TRIM16: variants seen among roughly 807,000 people sequenced by gnomAD.
TRIM16 encodes tripartite motif containing 16.
Under a neutral mutation model 50.4 loss-of-function variants are expected in TRIM16, and 33 were observed. The observed-to-expected ratio is 0.65, with a 90% confidence interval of 0.50 to 0.88. The LOEUF (loss-of-function observed/expected upper bound fraction) is 0.88, where lower values mean the gene tolerates loss of function less well. Among genes scored for constraint, TRIM16 ranks in the 40% least tolerant of loss-of-function variants. The pLI is 0.00. For missense variants in TRIM16, 581 were observed against 686.8 expected, an observed-to-expected ratio of 0.85 and a Z score of 1.72; for synonymous variants, 229 against 270.7, an observed-to-expected ratio of 0.85 and a Z score of 1.51.
At position 15,650,968 on chromosome 17, in the gene TRIM16, A is replaced by C. The variant is rs1987661309; in HGVS notation, c.519+123T>G. 4 of 1,353,082 alleles carry C rather than the reference A, an allele frequency of 3.0e-6. No homozygotes were observed. The African/African-American group carries it at 5.8e-5, about 20-fold the overall frequency. The allele number at this position is 1,353,082 out of a possible 1,614,324, so 83.8% of individuals were successfully genotyped here. ...GACCCAGCAGGCAGACGCTGAAGCT[A>C]GTCTTTTTCAGGTATGCTCAGAGCA... On this transcript the variant is annotated intron_variant, in intron 7 of 11. Coordinates refer to ENST00000649191, the MANE Select transcript of TRIM16 (RefSeq NM_001348119.1).
chr17:15,657,843 C>G (rs1025593859), intron 6 of TRIM16, among the ~76,000 whole-genome samples: 1 of 152,202 alleles, frequency 6.6e-6, no homozygotes, highest in Non-Finnish European at 1.5e-5. Context: ...TCAGGTTCAT[C>G]AGGTGTTGAT....
chr17:15,638,258 TAAA>T lies in TRIM16; in HGVS notation c.616-1992_616-1990del, dbSNP rs535590168. 7.0e-5 allele frequency among the ~76,000 whole-genome samples: 8 copies of T among 115,076 alleles called. 1 individual carries two copies. Among genetic ancestry groups the T allele is most frequent in the African/African-American group, 2.9e-4 (8 of 27,984 alleles). 75.5% of individuals were successfully genotyped at this position (115,076 alleles called of 152,430 possible). ...AGAATTATCAATAAAAAAATAAATT[TAAA>T]AAAAAAAAAAAAAAAGAATTGGTGT... On this transcript the variant is annotated intron_variant, in intron 8 of 11. Transcript: ENST00000649191.
At chr17:15,637,062 T>C (rs1328594351) in intron 8 of TRIM16, among the ~76,000 whole-genome samples, 1 of 146,958 alleles carries the variant, frequency 6.8e-6, no homozygotes, top group Non-Finnish European at 1.5e-5. Flanking sequence ...AGCCACCCCA[T>C]CTGGGAAGTG....
rs140664725 is a variant in TRIM16 at position 15,672,689 on chromosome 17, C to T, written c.-338+4487G>A. Among the ~76,000 whole-genome samples the T allele has an allele frequency of 1.9e-3, 288 of 152,186 alleles. 1 individual carries two copies. The highest frequency in any genetic ancestry group is 0.018 in the East Asian group (95 of 5,170). On this transcript the variant is annotated intron_variant, in intron 6 of 11. Transcript: ENST00000649191. ...TCAAGGCTGCAGTGAGCTGTGATGGCGTCACTGCACTCCAGCCCAGGCAAT... is the reference window on the plus strand; with the variant it reads ...TCAAGGCTGCAGTGAGCTGTGATGGTGTCACTGCACTCCAGCCCAGGCAAT...
intron 3 of TRIM16, among the ~76,000 whole-genome samples, chr17:15,681,484 G>T (rs1348999115): frequency 3.3e-5 from 5 of 152,222 alleles, no homozygotes; most frequent in Non-Finnish European, 5.9e-5. Flanking sequence ...CCACTAAATT[G>T]TATGTGTCGT....
chr17:15,645,575 A>G (rs1480430374), intron 7 of TRIM16, among the ~76,000 whole-genome samples: 3 of 148,954 alleles, frequency 2.0e-5, no homozygotes, highest in African/African-American at 7.8e-5. Context: ...GAAAAAGAAA[A>G]AAAAAAAAGA....
At chr17:15,650,943 G>A (rs1180696534) in intron 7 of TRIM16, 148 bp downstream of exon 7, 4 of 1,162,174 alleles carry the variant, frequency 3.4e-6, no homozygotes, top group Non-Finnish European at 4.7e-6. Flanking sequence ...TATTTACACT[G>A]ACCCAGCAGG....
In TRIM16 at chr17:15,641,823, C is replaced by T. The variant is rs942066979; in HGVS notation, c.615+898G>A. On this transcript the variant is annotated intron_variant, in intron 8 of 11. Transcript: ENST00000649191. ...ATATAAAGATGACAATGCTGATTCA[C>T]TTCCATAGGGTAGGTGTTTTGCATT... Among the ~76,000 whole-genome samples, 76 of 148,138 alleles carry T rather than the reference C, an allele frequency of 5.1e-4. 4 individuals are homozygous for T. Among genetic ancestry groups the T allele is most frequent in the Non-Finnish European group, 7.6e-4 (51 of 66,892 alleles).
intron 4 of TRIM16, among the ~76,000 whole-genome samples, chr17:15,678,988 G>T (rs1355214995): frequency 6.7e-6 from 1 of 150,194 alleles, no homozygotes; most frequent in African/African-American, 2.5e-5. Flanking sequence ...CGATTCTCCT[G>T]CCTCAGCCTC....
At chr17:15,658,522 AAAT>A (rs1326790877) in intron 6 of TRIM16, among the ~76,000 whole-genome samples, 2 of 152,210 alleles carry the variant, frequency 1.3e-5, no homozygotes, top group Admixed American at 6.5e-5. Context: ...AGAAAAATAA[AAAT>A]AATATCATAA....
At chr17:15,682,730 C>T in intron 3 of TRIM16, 124 bp downstream of exon 3, 3 of 954,506 alleles carry the variant, frequency 3.1e-6, no homozygotes, top group Non-Finnish European at 4.1e-6. Flanking sequence ...ACTTATCCCC[C>T]CTTATCCTTC....
At chr17:15,635,784 T>C (rs2150901657) in intron 9 of TRIM16, among the ~76,000 whole-genome samples, 1 of 130,076 alleles carries the variant, frequency 7.7e-6, no homozygotes, top group Non-Finnish European at 1.6e-5. Flanking sequence ...TCCCTCTACC[T>C]GGAACATACT....
intron 6 of TRIM16, among the ~76,000 whole-genome samples, chr17:15,665,193 A>G (rs1988430561): frequency 6.6e-6 from 1 of 151,958 alleles, no homozygotes; most frequent in Non-Finnish European, 1.5e-5. Flanking sequence ...ATGGCATGAG[A>G]AAAGGATCAC....
At chr17:15,662,404 A>G (rs1165689714) in intron 6 of TRIM16, among the ~76,000 whole-genome samples, 1 of 152,174 alleles carries the variant, frequency 6.6e-6, no homozygotes, top group Non-Finnish European at 1.5e-5. Context: ...ATTCCTTAAC[A>G]CAACTTCACT....
rs149541824 is a variant in TRIM16, at chr17:15,681,507, T to C, written c.-678-554A>G. On this transcript the variant is annotated intron_variant, in intron 3 of 11. Coordinates refer to ENST00000649191, the MANE Select transcript of TRIM16 (RefSeq NM_001348119.1). ...TTGTATGTGTCGTATCATTCACCAC[T>C]GCATCCTAAGCACTGAGCACGGTGT... Among the ~76,000 whole-genome samples, 1,367 of 152,312 alleles carry C rather than the reference T, an allele frequency of 9.0e-3. 33 individuals are homozygous for C. In the East Asian group the frequency reaches 0.15, roughly 16 times the overall value.
chr17:15,653,090 C>T (rs767253315), intron 6 of TRIM16, among the ~76,000 whole-genome samples: 19 of 152,220 alleles, frequency 1.2e-4, no homozygotes, highest in Non-Finnish European at 2.5e-4. Flanking sequence ...CGGTGCCATC[C>T]CCACAGTGAT....
At chr17:15,637,314 G>C (rs1986836454) in intron 8 of TRIM16, among the ~76,000 whole-genome samples, 1 of 113,744 alleles carries the variant, frequency 8.8e-6, no homozygotes, top group Non-Finnish European at 1.8e-5. Flanking sequence ...GAGCCCCTCA[G>C]CCCGGCCAGC....
At chr17:15,645,430 G>A (rs1862626493) in intron 7 of TRIM16, among the ~76,000 whole-genome samples, 1 of 152,034 alleles carries the variant, frequency 6.6e-6, no homozygotes, top group African/African-American at 2.4e-5. Context: ...TGCCTGCTTT[G>A]GCCCCAGCTT....
intron 11 of TRIM16, 128 bp downstream of exon 11, chr17:15,631,491 A>G: frequency 2.5e-6 from 2 of 793,760 alleles, no homozygotes; most frequent in Non-Finnish European, 1.9e-6. Context: ...ATTTTAAGAA[A>G]TGTATCATTT....
Sources: allele counts gnomAD v4.1 joint callset (sites outside exome capture counted in the v4.1 genomes callset), GRCh38; gene constraint gnomAD v4.1.1; transcripts MANE v1.5; gene names NCBI Gene and HGNC (gene_info 2026-07-23, HGNC 2026-07-21).